Variants in ATG14 observed in about 807,000 individuals in gnomAD.
ATG14 encodes the protein autophagy related 14, also known as beclin 1-associated autophagy-related key regulator.
A neutral mutation model predicts 60.4 loss-of-function variants in ATG14; 35 were observed. The ratio of observed to expected loss-of-function variants is 0.58; its 90% confidence interval spans 0.44 to 0.77. The LOEUF is 0.77. Among genes scored for constraint, ATG14 ranks in the 30% least tolerant of loss-of-function variants. The pLI, the probability that ATG14 is intolerant of heterozygous loss-of-function variation, is 0.00. For synonymous variants in ATG14, 234 were observed against 228.8 expected, an observed-to-expected ratio of 1.02 and a Z score of -0.21; for missense variants, 647 against 626.3, an observed-to-expected ratio of 1.03 and a Z score of -0.35.
chr14:55,377,765 C>A, intron 9 of ATG14, 54 bp downstream of exon 9: 1 of 1,337,962 alleles, frequency 7.5e-7, no homozygotes. Context: ...ACATACAACT[C>A]CTCTAACAGG....
chr14:55,393,806 CCCAA>C (rs1429571458), intron 3 of ATG14, among the ~76,000 whole-genome samples: 2 of 152,004 alleles, frequency 1.3e-5, no homozygotes, highest in African/African-American at 2.4e-5. Context: ...ACCTCGGACT[CCCAA>C]AGTGCTGGGA....
At position 55,376,088 on chromosome 14, in the gene ATG14, A is replaced by G. The variant is rs145281016; in HGVS notation, c.1172+1731T>C. On this transcript the variant is annotated intron_variant, in intron 9 of 9. Transcript: ENST00000247178. ...GAAATAATAAATACTGGTTAACTGC[A>G]TGAGTGTCTACTACTGTGGAGTCAG... is the stretch of plus-strand genomic sequence containing the variant. 3.9e-5 allele frequency among the ~76,000 whole-genome samples: 6 copies of G among 152,302 alleles called. No homozygotes were observed. In the East Asian group the frequency reaches 7.7e-4, roughly 20 times the overall value.
Position 55,369,897 on chromosome 14 carries a change from G to A in ATG14, c.1201C>T (p.Leu401Phe), listed in dbSNP as rs1353965612. Residue 401 changes from leucine (L) to phenylalanine (F), a missense_variant, in exon 10 of 10, where the codon CTT (leucine) becomes TTT (phenylalanine). Leu to Phe is a conservative substitution (Grantham distance 22). Transcript: ENST00000247178. Reference protein sequence around the residue: ...RSGPFEVRADLEESMEFVDPG... With the variant: ...RSGPFEVRADFEESMEFVDPG... ...TCCACAAATTCCATGGACTCCTCAA[G>A]GTCTGCTCGTACTTCAAAGGGCCCT... is the stretch of plus-strand genomic sequence containing the variant. 1 of 1,612,812 alleles carries A rather than the reference G, an allele frequency of 6.2e-7. No homozygotes were observed. The highest frequency in any genetic ancestry group is 8.5e-7 in the Non-Finnish European group (1 of 1,179,114).
chr14:55,401,500 C>T (rs1192784253), intron 1 of ATG14, among the ~76,000 whole-genome samples: 2 of 152,080 alleles, frequency 1.3e-5, no homozygotes, highest in Non-Finnish European at 1.5e-5. Context: ...CACTATTTTC[C>T]GTATTTTCTC....
Position 55,393,962 on chromosome 14 carries a change from C to T in ATG14, c.327+1978G>A, listed in dbSNP as rs192198276. The stretch of plus-strand genomic sequence containing the variant: ...ACAACTTGGACATCATTCCACAGCA[C>T]GTAGACTGACCACATTCTTTTTAAC... On this transcript the variant is annotated intron_variant, in intron 3 of 9. Transcript: ENST00000247178. 1.6e-4 allele frequency among the ~76,000 whole-genome samples: 24 copies of T among 151,586 alleles called. No individual in the cohort carries two copies. The East Asian group carries it at 3.3e-3, about 21-fold the overall frequency.
At chr14:55,398,905 C>G (rs773541987) in intron 1 of ATG14, among the ~76,000 whole-genome samples, 2 of 151,626 alleles carry the variant, frequency 1.3e-5, no homozygotes, top group Admixed American at 1.3e-4. Flanking sequence ...GTGGAGTGAA[C>G]GTGACCCACT....
intron 4 of ATG14, among the ~76,000 whole-genome samples, chr14:55,386,752 T>A (rs1885131993): frequency 6.6e-6 from 1 of 152,154 alleles, no homozygotes; most frequent in South Asian, 2.1e-4. Context: ...CAGATTTAGG[T>A]CCTTTTTGTG....
intron 1 of ATG14, 134 bp from the exon 2 acceptor site, chr14:55,397,568 T>G: frequency 1.4e-6 from 1 of 708,870 alleles, no homozygotes; most frequent in Non-Finnish European, 2.4e-6. Flanking sequence ...AATACACGTC[T>G]TCTCAACGGG....
chr14:55,388,696 C>G (rs1043322163), intron 4 of ATG14, among the ~76,000 whole-genome samples: 3 of 152,176 alleles, frequency 2.0e-5, no homozygotes, highest in Admixed American at 1.3e-4. Context: ...TCAACAACAA[C>G]AAGCTCTTAA....
chr14:55,391,212 A>C, intron 3 of ATG14: 4 of 376,760 alleles, frequency 1.1e-5, no homozygotes, highest in Admixed American at 4.9e-5. Context: ...GCGGTGGCTC[A>C]CGCCTGTAAT....
At chr14:55,380,783 T>C (rs1217147266) in intron 6 of ATG14, 93 bp from the exon 7 acceptor site, 1 of 780,238 alleles carries the variant, frequency 1.3e-6, no homozygotes, top group Non-Finnish European at 2.0e-6. Flanking sequence ...TTTATCATGA[T>C]AGCACTGTTA....
intron 9 of ATG14, among the ~76,000 whole-genome samples, chr14:55,372,052 C>T (rs1884830923): frequency 6.6e-6 from 1 of 152,092 alleles, no homozygotes; most frequent in Non-Finnish European, 1.5e-5. Context: ...AACAGTTCTA[C>T]TCTAGAGCCA....
Position 55,369,610 on chromosome 14 carries a change from C to CCAT in ATG14, c.*6_*8dup, listed in dbSNP as rs1286431293. 1.3e-6 allele frequency: 2 copies of CCAT among 1,499,716 alleles called. No individual in the cohort carries two copies. Among genetic ancestry groups the CCAT allele is most frequent in the Non-Finnish European group, 1.8e-6 (2 of 1,122,146 alleles). The allele number at this position is 1,499,716 out of a possible 1,614,324, so 92.9% of individuals were successfully genotyped here. ...TGATGCAGATTTGGTATGTTTTGGT[C>CCAT]CATGCTCGTTAACGGTGTCCAGTGT... On this transcript the variant is annotated 3_prime_UTR_variant, in exon 10 of 10. Coordinates refer to ENST00000247178, the MANE Select transcript of ATG14 (RefSeq NM_014924.5).
rs1313828682 is a variant in ATG14, at chr14:55,386,093, G to C, written c.413C>G (p.Ser138Cys). The part of the protein sequence containing the change: ...CKGNEEMEKN[S>C]EGLLKTKEKN... ...TTCCTTGGTTTTGAGAAGGCCTTCAGAATCTAAAATAAATAAATCACACCC... is the reference window on the plus strand; with the variant it reads ...TTCCTTGGTTTTGAGAAGGCCTTCACAATCTAAAATAAATAAATCACACCC... The change falls in exon 5 of 10, where the codon TCT (serine) becomes TGT (cysteine). Residue 138 changes from serine (S) to cysteine (C), a missense_variant. By Grantham distance (112) the Ser-to-Cys change is moderately radical. Coordinates refer to ENST00000247178, the MANE Select transcript of ATG14 (RefSeq NM_014924.5). The C allele has an allele frequency of 1.2e-6, 2 of 1,606,782 alleles. No individual in the cohort carries two copies. Among genetic ancestry groups the C allele is most frequent in the African/African-American group, 2.7e-5 (2 of 74,204 alleles).
At chr14:55,395,110 CCTG>C (rs146197386) in intron 3 of ATG14, 33,150 of 493,742 alleles carry the variant, frequency 0.067, 1,331 homozygotes, top group South Asian at 0.09. Context: ...TTTATCCTTT[CCTG>C]CTGCTTTCTC....
chr14:55,379,655 A>G (rs996859468), intron 7 of ATG14, among the ~76,000 whole-genome samples: 4 of 152,224 alleles, frequency 2.6e-5, no homozygotes, highest in African/African-American at 9.6e-5. Flanking sequence ...TTGAAATGCA[A>G]TGATAGTTGG....
In ATG14 at chr14:55,407,317, G is replaced by C. The variant is rs149484392; in HGVS notation, c.221+4285C>G. On this transcript the variant is annotated intron_variant, in intron 1 of 9. Coordinates refer to ENST00000247178, the MANE Select transcript of ATG14 (RefSeq NM_014924.5). ...AGCTAATTTTTGTATTTTGACTAGA[G>C]ACGAGGTTTCACCATGTTGGCCAGG... is the stretch of plus-strand genomic sequence containing the variant. Among the ~76,000 whole-genome samples the C allele has an allele frequency of 2.1e-3, 313 of 152,302 alleles. 1 individual carries two copies. Among genetic ancestry groups the C allele is most frequent in the African/African-American group, 7.3e-3 (304 of 41,558 alleles).
rs2140114592 is a variant in ATG14, at chr14:55,369,599, T to C, written c.*20A>G. On this transcript the variant is annotated 3_prime_UTR_variant, in exon 10 of 10. Coordinates refer to ENST00000247178, the MANE Select transcript of ATG14 (RefSeq NM_014924.5). ...AAGAACTTTCTTGATGCAGATTTGG[T>C]ATGTTTTGGTCCATGCTCGTTAACG... 1.4e-6 allele frequency: 2 copies of C among 1,472,296 alleles called. No individual in the cohort carries two copies. Among genetic ancestry groups the C allele is most frequent in the African/African-American group, 1.4e-5 (1 of 71,336 alleles). 91.2% of individuals were successfully genotyped at this position (1,472,296 alleles called of 1,614,324 possible). A position where few individuals can be genotyped will look rare whatever the true frequency, so the allele number is the denominator to read the frequency against.
intron 1 of ATG14, among the ~76,000 whole-genome samples, chr14:55,403,636 G>A (rs892020909): frequency 7.9e-5 from 12 of 151,714 alleles, no homozygotes; most frequent in Admixed American, 7.2e-4. Flanking sequence ...ATTGTGTACC[G>A]GCATGAAAAG....
Sources: gnomAD v4.1 joint callset for allele counts (sites outside exome capture counted in the v4.1 genomes callset) on GRCh38, gnomAD v4.1.1 for gene constraint, MANE v1.5 for transcripts, NCBI Gene and HGNC (gene_info 2026-07-23, HGNC 2026-07-21) for gene names.